EYS: variants seen among roughly 807,000 people sequenced by gnomAD.
EYS encodes the protein EGF-like photoreceptor maintenance factor, also known as protein eyes shut homolog.
A neutral mutation model predicts 282.1 loss-of-function variants in EYS; 250 were observed. That is an observed-to-expected ratio of 0.89 (90% confidence interval 0.80 to 0.98). The LOEUF is 0.98. Among genes scored for constraint, EYS ranks in the 50% least tolerant of loss-of-function variants. The probability of loss-of-function intolerance (pLI) is 0.00; values close to 1 mark genes in which losing one functional copy is unlikely to be tolerated. For missense variants in EYS, 4,016 were observed against 3,709.0 expected (o/e 1.08, Z -2.15); for synonymous variants, 1,355 against 1,282.9 (o/e 1.06, Z -1.20).
At chr6:65,183,943 C>G (rs1765454296) in intron 12 of EYS, among the ~76,000 whole-genome samples, 1 of 151,804 alleles carries the variant, frequency 6.6e-6, no homozygotes, top group Non-Finnish European at 1.5e-5. Flanking sequence ...TACTGCACTT[C>G]AAGAAATACT....
intron 26 of EYS, among the ~76,000 whole-genome samples, chr6:64,583,686 T>A (rs922965735): frequency 3.9e-5 from 6 of 152,112 alleles, no homozygotes; most frequent in Middle Eastern, 3.4e-3. Flanking sequence ...TCCCAGCTAC[T>A]CAGGAGGCTG....
At chr6:64,103,327 A>T (rs886452095) in intron 31 of EYS, among the ~76,000 whole-genome samples, 2 of 152,236 alleles carry the variant, frequency 1.3e-5, no homozygotes, top group Admixed American at 6.5e-5. Context: ...CATTATAAAA[A>T]TATTTCAAAT....
intron 41 of EYS, among the ~76,000 whole-genome samples, chr6:63,753,858 A>G (rs1769409115): frequency 6.6e-6 from 1 of 152,106 alleles, no homozygotes. Flanking sequence ...ATGCAAGTCC[A>G]CCCTTCCATT....
At chr6:65,148,467 G>T (rs1411274024) in intron 12 of EYS, among the ~76,000 whole-genome samples, 2 of 152,130 alleles carry the variant, frequency 1.3e-5, no homozygotes, top group African/African-American at 4.8e-5. Flanking sequence ...CAAGAGATAG[G>T]TTCCCATGGC....
intron 29 of EYS, among the ~76,000 whole-genome samples, chr6:64,362,578 C>T (rs548850841): frequency 1.4e-4 from 22 of 151,762 alleles, no homozygotes; most frequent in African/African-American, 5.1e-4. Context: ...TCTCAAGATA[C>T]AAGGTTCTGA....
At chr6:65,629,679 G>A (rs1013655245) in intron 2 of EYS, among the ~76,000 whole-genome samples, 10 of 151,942 alleles carry the variant, frequency 6.6e-5, no homozygotes, top group African/African-American at 1.7e-4. Context: ...CAAACTCCTC[G>A]AGAAGACGGC....
chr6:64,924,558 G>A (rs1768452278), intron 15 of EYS, among the ~76,000 whole-genome samples: 1 of 152,168 alleles, frequency 6.6e-6, no homozygotes, highest in African/African-American at 2.4e-5. Flanking sequence ...TAGTCAGGCT[G>A]CAAATTTTCC....
At chr6:64,688,233 G>A (rs559033647) in intron 22 of EYS, among the ~76,000 whole-genome samples, 5 of 151,644 alleles carry the variant, frequency 3.3e-5, no homozygotes, top group African/African-American at 9.7e-5. Context: ...CTTCAGTTCT[G>A]CTTTGATCTT....
chr6:64,874,358 C>T (rs1766681060), intron 19 of EYS, among the ~76,000 whole-genome samples: 1 of 152,098 alleles, frequency 6.6e-6, no homozygotes, highest in Admixed American at 6.6e-5. Flanking sequence ...TCTTCCCTTT[C>T]TACTCAATTA....
chr6:64,039,087 G>C (rs950318806), intron 33 of EYS, among the ~76,000 whole-genome samples: 2 of 152,256 alleles, frequency 1.3e-5, no homozygotes, highest in African/African-American at 4.8e-5. Flanking sequence ...TTACAGGTGT[G>C]AGTCTGTTCT....
chr6:65,337,642 C>A, intron 10 of EYS, among the ~76,000 whole-genome samples: 1 of 150,490 alleles, frequency 6.6e-6, no homozygotes, highest in South Asian at 2.1e-4. Flanking sequence ...GAAAAGTTAC[C>A]AAAGTTAGAA....
Position 64,591,484 on chromosome 6 carries a change from G to C in EYS, c.4383C>G (p.Val1461=), listed in dbSNP as rs1293184703. ...CAATATCCTCTTGAGCCCCCCTAGA[G>C]ACAACTGGAGTTGCACTTATGGAGG... ...IAASISATPV[V]SRGAQEDIEE... The change falls in exon 26 of 43, where the codon GTC becomes GTG. Residue 1461 remains valine, a synonymous_variant. Coordinates refer to ENST00000503581, the MANE Select transcript of EYS (RefSeq NM_001142800.2). 1 of 1,551,190 alleles carries C rather than the reference G, an allele frequency of 6.4e-7. No homozygotes were observed. Among genetic ancestry groups the C allele is most frequent in the African/African-American group, 1.4e-5 (1 of 72,998 alleles).
chr6:63,768,223 G>A (rs1193484911), intron 40 of EYS, among the ~76,000 whole-genome samples: 2 of 151,806 alleles, frequency 1.3e-5, no homozygotes, highest in African/African-American at 4.8e-5. Context: ...AAATTGACAA[G>A]TGGGACCTAA....
chr6:64,843,576 C>T lies in EYS; in HGVS notation c.2993-20754G>A, dbSNP rs1210360297. Among the ~76,000 whole-genome samples the T allele has an allele frequency of 2.0e-5, 3 of 152,258 alleles. No homozygotes were observed. The East Asian group carries it at 5.8e-4, about 29-fold the overall frequency. ...ATGCATGGTCCATATAACTCCTTTG[C>T]TTTGGCCAATTTCTCCCATTTGGAA... On this transcript the variant is annotated intron_variant, in intron 19 of 42. Transcript: ENST00000503581.
At chr6:64,685,812 A>T (rs1770076770) in intron 22 of EYS, among the ~76,000 whole-genome samples, 1 of 152,220 alleles carries the variant, frequency 6.6e-6, no homozygotes, top group South Asian at 2.1e-4. Flanking sequence ...CCTTTGAATC[A>T]TTATATATTT....
At chr6:65,328,055 AT>A (rs1769674164) in intron 11 of EYS, among the ~76,000 whole-genome samples, 1 of 151,498 alleles carries the variant, frequency 6.6e-6, no homozygotes, top group African/African-American at 2.4e-5. Flanking sequence ...ATATTCATAT[AT>A]AGGTTTTATA....
chr6:64,383,515 G>A (rs1772816552), intron 29 of EYS, among the ~76,000 whole-genome samples: 1 of 152,218 alleles, frequency 6.6e-6, no homozygotes, highest in South Asian at 2.1e-4. Context: ...GCAGATGGGT[G>A]AATGAATGAA....
At chr6:64,120,117 G>A (rs1467273169) in intron 31 of EYS, among the ~76,000 whole-genome samples, 2 of 151,740 alleles carry the variant, frequency 1.3e-5, no homozygotes, top group East Asian at 1.9e-4. Context: ...GGAGGCCAAG[G>A]TGGGCAGATC....
chr6:65,449,209 A>G (rs10455187), intron 5 of EYS, among the ~76,000 whole-genome samples: 28,183 of 151,866 alleles, frequency 0.19, 3,268 homozygotes, highest in Middle Eastern at 0.3. Context: ...TCAATTACCT[A>G]TTGTTTTGCT....
Sources: gnomAD v4.1 joint callset for allele counts (sites outside exome capture counted in the v4.1 genomes callset) on GRCh38, gnomAD v4.1.1 for gene constraint, MANE v1.5 for transcripts, NCBI Gene and HGNC (gene_info 2026-07-23, HGNC 2026-07-21) for gene names.